The following ZRANB3 variants were observed in gnomAD, a reference collection of about 807,000 sequenced individuals.
ZRANB3 encodes the protein zinc finger RANBP2-type containing 3.
Under a neutral mutation model 133.8 loss-of-function variants are expected in ZRANB3, and 125 were observed. That is an observed-to-expected ratio of 0.93 (90% CI 0.81 to 1.08). The LOEUF is 1.08. ZRANB3 is among the 50% of genes least tolerant of loss of function. ZRANB3 has a pLI of 0.00. For synonymous variants in ZRANB3, 387 were observed against 432.7 expected, an observed-to-expected ratio of 0.89 and a Z score of 1.31; for missense variants, 1,229 against 1,275.5, an observed-to-expected ratio of 0.96 and a Z score of 0.56.
At chr2:135,494,081 T>G (rs1397053430) in intron 2 of ZRANB3, among the ~76,000 whole-genome samples, 9 of 143,220 alleles carry the variant, frequency 6.3e-5, no homozygotes, top group Admixed American at 2.2e-4. Flanking sequence ...GATGGGAAGA[T>G]GAATGGATGG....
chr2:135,420,560 TC>T (rs1688798572), intron 2 of ZRANB3, among the ~76,000 whole-genome samples: 1 of 152,144 alleles, frequency 6.6e-6, no homozygotes, highest in African/African-American at 2.4e-5. Context: ...CATATGAATG[TC>T]CAAATGGGGC....
chr2:135,384,922 G>C (rs1384470516), intron 3 of ZRANB3, among the ~76,000 whole-genome samples: 2 of 152,144 alleles, frequency 1.3e-5, no homozygotes, highest in Non-Finnish European at 2.9e-5. Flanking sequence ...CATTCCCTTT[G>C]AAAGCTGGCA....
intron 2 of ZRANB3, among the ~76,000 whole-genome samples, chr2:135,470,780 T>C (rs1027937389): frequency 5.3e-5 from 8 of 151,912 alleles, no homozygotes; most frequent in African/African-American, 1.7e-4. Flanking sequence ...AAAATAATTT[T>C]TTTAATGATC....
chr2:135,371,085 GC>G (rs1686157604), intron 3 of ZRANB3, among the ~76,000 whole-genome samples: 3 of 152,144 alleles, frequency 2.0e-5, no homozygotes, highest in Non-Finnish European at 4.4e-5. Context: ...TTTCTTTACA[GC>G]AGCATGAGAA....
chr2:135,221,856 T>C (rs1257770891), intron 15 of ZRANB3, among the ~76,000 whole-genome samples: 1 of 152,206 alleles, frequency 6.6e-6, no homozygotes, highest in East Asian at 1.9e-4. Context: ...GGCTTGGTTC[T>C]TGGTGTCTCT....
At chr2:135,473,490 A>G (rs1574157588) in intron 2 of ZRANB3, among the ~76,000 whole-genome samples, 1 of 152,094 alleles carries the variant, frequency 6.6e-6, no homozygotes, top group East Asian at 1.9e-4. Context: ...CAGTATACAT[A>G]TGAAAGGACT....
At chr2:135,390,027 C>T (rs938185680) in intron 3 of ZRANB3, among the ~76,000 whole-genome samples, 1 of 151,366 alleles carries the variant, frequency 6.6e-6, no homozygotes, top group South Asian at 2.1e-4. Flanking sequence ...ACTACAGATG[C>T]CTGCCACCAC....
At chr2:135,412,639 T>C (rs1263342000) in intron 2 of ZRANB3, among the ~76,000 whole-genome samples, 2 of 152,118 alleles carry the variant, frequency 1.3e-5, no homozygotes, top group Non-Finnish European at 2.9e-5. Flanking sequence ...TAAAAGCTAA[T>C]GTGTGAAATA....
intron 3 of ZRANB3, among the ~76,000 whole-genome samples, chr2:135,362,138 C>T (rs575769221): frequency 4.3e-4 from 64 of 149,484 alleles, no homozygotes; most frequent in Admixed American, 1.5e-3. Flanking sequence ...GCGGAGCTTG[C>T]AGTGAGCTGA....
At chr2:135,293,850 T>TA (rs1681891486) in intron 8 of ZRANB3, among the ~76,000 whole-genome samples, 1 of 150,892 alleles carries the variant, frequency 6.6e-6, no homozygotes, top group Non-Finnish European at 1.5e-5. Flanking sequence ...TCTATTGAGA[T>TA]AATCATGTGG....
chr2:135,480,344 C>T (rs1424758390), intron 2 of ZRANB3, among the ~76,000 whole-genome samples: 1 of 152,048 alleles, frequency 6.6e-6, no homozygotes, highest in Admixed American at 6.6e-5. Context: ...TATAGTAAAA[C>T]CACCAGGTAT....
intron 2 of ZRANB3, among the ~76,000 whole-genome samples, chr2:135,395,295 G>A (rs1210245319): frequency 6.6e-6 from 1 of 152,030 alleles, no homozygotes; most frequent in African/African-American, 2.4e-5. Context: ...CTGGATATCT[G>A]CATTCAGAAG....
intron 3 of ZRANB3, among the ~76,000 whole-genome samples, chr2:135,357,905 T>A (rs1292592736): frequency 6.6e-6 from 1 of 152,184 alleles, no homozygotes; most frequent in Non-Finnish European, 1.5e-5. Flanking sequence ...TAGGTTAAGT[T>A]TTCTTAGGGA....
intron 8 of ZRANB3, among the ~76,000 whole-genome samples, chr2:135,305,394 T>C (rs1323365352): frequency 6.6e-6 from 1 of 152,246 alleles, no homozygotes; most frequent in Admixed American, 6.5e-5. Context: ...ACAGATGAAG[T>C]GAATTTCTTG....
chr2:135,340,748 C>T (rs1451044533), intron 6 of ZRANB3, among the ~76,000 whole-genome samples: 7 of 151,792 alleles, frequency 4.6e-5, no homozygotes, highest in Non-Finnish European at 8.8e-5. Flanking sequence ...CTCAGCTACT[C>T]GGGAGGCTGA....
intron 3 of ZRANB3, among the ~76,000 whole-genome samples, chr2:135,383,085 G>A (rs564388510): frequency 2.6e-5 from 4 of 152,216 alleles, no homozygotes; most frequent in Admixed American, 6.5e-5. Context: ...TCAGTGTGCT[G>A]TATTCAGGAA....
At chr2:135,385,212 G>T (rs965853275) in intron 3 of ZRANB3, among the ~76,000 whole-genome samples, 2 of 152,112 alleles carry the variant, frequency 1.3e-5, no homozygotes, top group Non-Finnish European at 1.5e-5. Context: ...CAAACAGAGA[G>T]CCAAATGGTG....
At position 135,197,314 on chromosome 2, in the gene ZRANB3, CTTTT is replaced by C. The variant is rs921931945; in HGVS notation, c.*3024_*3027del. On this transcript the variant is annotated 3_prime_UTR_variant, in exon 21 of 21. Coordinates refer to ENST00000264159, the MANE Select transcript of ZRANB3 (RefSeq NM_032143.4). ...ACTGTAAAGAGCTCAAGAGCATTGACTTTTTTGTCTGTCATATAATTTAAAATGC... is the reference window on the plus strand; with the variant it reads ...ACTGTAAAGAGCTCAAGAGCATTGACTTGTCTGTCATATAATTTAAAATGC... 2 of 152,170 alleles carry C rather than the reference CTTTT, an allele frequency of 1.3e-5. No individual in the cohort carries two copies. Among genetic ancestry groups the C allele is most frequent in the African/African-American group, 4.8e-5 (2 of 41,442 alleles). The allele number at this position is 152,170 out of a possible 1,614,324, so 9.4% of individuals were successfully genotyped here.
intron 2 of ZRANB3, among the ~76,000 whole-genome samples, chr2:135,444,188 G>A (rs2104996748): frequency 6.6e-6 from 1 of 151,964 alleles, no homozygotes; most frequent in South Asian, 2.1e-4. Flanking sequence ...AAATAGTATA[G>A]CCACTTTAGA....
Sources: allele counts gnomAD v4.1 joint callset (sites outside exome capture counted in the v4.1 genomes callset), GRCh38; gene constraint gnomAD v4.1.1; transcripts MANE v1.5; gene names NCBI Gene and HGNC (gene_info 2026-07-23, HGNC 2026-07-21).